Variants in SLC24A3 observed in about 807,000 individuals in gnomAD.
The protein encoded by SLC24A3 is solute carrier family 24 member 3.
In SLC24A3, 28 loss-of-function variants were observed where a neutral mutation model predicts 75.8. That is an observed-to-expected ratio of 0.37 (90% CI 0.27 to 0.51). The LOEUF is 0.51. Ranked by LOEUF, SLC24A3 falls within the 20% of genes least tolerant of loss-of-function variation. SLC24A3 has a pLI of 0.94. For synonymous variants in SLC24A3, 372 were observed against 334.1 expected (o/e 1.11, Z -1.24); for missense variants, 663 against 847.8 (o/e 0.78, Z 2.71).
At chr20:19,594,822 C>T (rs960466726) in intron 6 of SLC24A3, among the ~76,000 whole-genome samples, 1 of 152,124 alleles carries the variant, frequency 6.6e-6, no homozygotes, top group Non-Finnish European at 1.5e-5. Flanking sequence ...AAAAGCAATA[C>T]AGCATGGTAA....
At chr20:19,711,377 A>C (rs911105227) in intron 15 of SLC24A3, among the ~76,000 whole-genome samples, 30 of 145,212 alleles carry the variant, frequency 2.1e-4, no homozygotes, top group Non-Finnish European at 3.3e-4. Flanking sequence ...CATGCAAGCA[A>C]ACGCACACAT....
At chr20:19,633,194 A>T (rs1201751841) in intron 6 of SLC24A3, among the ~76,000 whole-genome samples, 1 of 152,152 alleles carries the variant, frequency 6.6e-6, no homozygotes, top group African/African-American at 2.4e-5. Context: ...ATGAAAATTT[A>T]TTTTTTCACA....
chr20:19,239,059 T>C (rs1982252609), intron 1 of SLC24A3, among the ~76,000 whole-genome samples: 1 of 149,752 alleles, frequency 6.7e-6, no homozygotes, highest in Non-Finnish European at 1.5e-5. Context: ...TGGGGAAAAG[T>C]GTTAGTTACA....
chr20:19,685,567 A>G (rs1426912453), intron 12 of SLC24A3, among the ~76,000 whole-genome samples: 1 of 152,218 alleles, frequency 6.6e-6, no homozygotes, highest in African/African-American at 2.4e-5. Context: ...ATTGCTTGAA[A>G]TGTGAGCTCT....
At chr20:19,284,403 C>T (rs2122228040) in intron 2 of SLC24A3, 1 of 152,964 alleles carries the variant, frequency 6.5e-6, no homozygotes, top group East Asian at 1.9e-4. Context: ...AAATATAGTG[C>T]CATCTGCCCT....
chr20:19,580,826 C>T (rs60327107), intron 4 of SLC24A3, among the ~76,000 whole-genome samples: 19 of 152,236 alleles, frequency 1.2e-4, no homozygotes, highest in African/African-American at 3.4e-4. Flanking sequence ...CTCCCCCAGA[C>T]ACATCTGTCG....
chr20:19,505,580 G>A (rs6112426), intron 2 of SLC24A3, among the ~76,000 whole-genome samples: 2,757 of 152,198 alleles, frequency 0.018, 69 homozygotes, highest in African/African-American at 0.063. Flanking sequence ...TGACAGATAG[G>A]CAACCAATCA....
chr20:19,593,722 G>A (rs2031413541), intron 6 of SLC24A3, among the ~76,000 whole-genome samples: 1 of 152,076 alleles, frequency 6.6e-6, no homozygotes, highest in East Asian at 1.9e-4. Context: ...TAGACCAAGG[G>A]CCTCATACCC....
At chr20:19,431,498 T>C (rs573641761) in intron 2 of SLC24A3, among the ~76,000 whole-genome samples, 42 of 152,212 alleles carry the variant, frequency 2.8e-4, no homozygotes, top group South Asian at 1.5e-3. Flanking sequence ...AGCCGCTCCA[T>C]GGGGCCGTGG....
chr20:19,507,500 T>C (rs1262624125), intron 2 of SLC24A3, among the ~76,000 whole-genome samples: 2 of 152,228 alleles, frequency 1.3e-5, no homozygotes, highest in East Asian at 3.8e-4. Flanking sequence ...TATCAGTCAC[T>C]CAGGGATCCA....
intron 6 of SLC24A3, among the ~76,000 whole-genome samples, chr20:19,638,054 C>T (rs923945354): frequency 1.3e-5 from 2 of 152,156 alleles, no homozygotes; most frequent in African/African-American, 4.8e-5. Flanking sequence ...GACCCATCCT[C>T]TAAGTTCCTT....
chr20:19,352,895 A>G (rs145060570), intron 2 of SLC24A3, among the ~76,000 whole-genome samples: 2 of 152,360 alleles, frequency 1.3e-5, no homozygotes, highest in Middle Eastern at 3.4e-3. Context: ...CCATAAGATT[A>G]TAATGGAGCT....
intron 6 of SLC24A3, among the ~76,000 whole-genome samples, chr20:19,647,839 A>G (rs557467194): frequency 6.6e-6 from 1 of 152,294 alleles, no homozygotes; most frequent in African/African-American, 2.4e-5. Context: ...TTTTTATTTA[A>G]ATCTGTCTCC....
At chr20:19,481,781 A>G (rs1163357305) in intron 2 of SLC24A3, among the ~76,000 whole-genome samples, 1 of 152,034 alleles carries the variant, frequency 6.6e-6, no homozygotes, top group East Asian at 1.9e-4. Flanking sequence ...CTTCCTACAG[A>G]GGGCCCTTTT....
chr20:19,326,368 G>T (rs1431161184), intron 2 of SLC24A3, among the ~76,000 whole-genome samples: 1 of 151,984 alleles, frequency 6.6e-6, no homozygotes, highest in African/African-American at 2.4e-5. Context: ...ACTATGGGCT[G>T]GGAGAGAACT....
intron 2 of SLC24A3, among the ~76,000 whole-genome samples, chr20:19,412,360 C>T (rs1986756755): frequency 6.6e-6 from 1 of 151,994 alleles, no homozygotes; most frequent in Non-Finnish European, 1.5e-5. Flanking sequence ...AGATTGTGAC[C>T]ATTCAGGTTC....
At chr20:19,515,071 TA>T (rs1320871405) in intron 2 of SLC24A3, among the ~76,000 whole-genome samples, 3 of 152,296 alleles carry the variant, frequency 2.0e-5, no homozygotes, top group African/African-American at 7.2e-5. Context: ...GCAAAGTACA[TA>T]AGGTTACACA....
intron 6 of SLC24A3, among the ~76,000 whole-genome samples, chr20:19,601,796 G>C (rs1304620562): frequency 6.6e-6 from 1 of 152,216 alleles, no homozygotes. Flanking sequence ...TTCCATAAAA[G>C]AGGGGTGTAA....
At chr20:19,678,194 T>C (rs2032551707) in intron 9 of SLC24A3, among the ~76,000 whole-genome samples, 1 of 151,230 alleles carries the variant, frequency 6.6e-6, no homozygotes, top group Non-Finnish European at 1.5e-5. Flanking sequence ...GCCATTGTCA[T>C]CCTGGCCCGT....
Sources: allele counts gnomAD v4.1 joint callset (sites outside exome capture counted in the v4.1 genomes callset), GRCh38; gene constraint gnomAD v4.1.1; transcripts MANE v1.5; gene names NCBI Gene and HGNC (gene_info 2026-07-23, HGNC 2026-07-21).